Variants in SULF2 observed in about 807,000 individuals in gnomAD.
SULF2 encodes extracellular sulfatase Sulf-2.
In SULF2, 52 loss-of-function variants were observed where a neutral mutation model predicts 107.7. That is an observed-to-expected ratio of 0.48 (90% CI 0.39 to 0.61). SULF2 has a LOEUF of 0.61. SULF2 is among the 20% of genes least tolerant of loss of function. The pLI, the probability that SULF2 is intolerant of heterozygous loss-of-function variation, is 0.00. For missense variants in SULF2, 993 were observed against 1,177.3 expected (o/e 0.84, Z 2.29); for synonymous variants, 460 against 464.3 (o/e 0.99, Z 0.12).
chr20:47,737,094 G>A (rs2089753264), intron 2 of SULF2, 152 bp from the exon 3 acceptor site: 1 of 1,173,956 alleles, frequency 8.5e-7, no homozygotes, highest in Non-Finnish European at 1.2e-6. Flanking sequence ...GCTGCACGGT[G>A]GGACTGTCCT....
chr20:47,715,004 A>G (rs988305856), intron 3 of SULF2, among the ~76,000 whole-genome samples: 11 of 150,750 alleles, frequency 7.3e-5, no homozygotes, highest in African/African-American at 2.7e-4. Flanking sequence ...TGTACCCTCA[A>G]CCTCCCCAGG....
chr20:47,767,650 C>T (rs559275287), intron 1 of SULF2, among the ~76,000 whole-genome samples: 1 of 152,336 alleles, frequency 6.6e-6, no homozygotes, highest in East Asian at 1.9e-4. Context: ...TGGCACATGC[C>T]TGTAGTCCTA....
rs1479170339 is a variant in SULF2 at position 47,694,896 on chromosome 20, T to C, written c.568-4601A>G. Among the ~76,000 whole-genome samples, 2 of 152,214 alleles carry C rather than the reference T, an allele frequency of 1.3e-5. No individual in the cohort carries two copies. Among genetic ancestry groups the C allele is most frequent in the Non-Finnish European group, 2.9e-5 (2 of 68,040 alleles). On this transcript the variant is annotated intron_variant, in intron 4 of 20. Transcript: ENST00000688720. This position sits in a 1 kb window ranked among gnomAD's most constrained non-coding sequence, Gnocchi z 4.4. ...TGATCGTCACAGCAACTTTGACAAGTGGACATTATACCCATTTTACAGATA... is the reference window on the plus strand; with the variant it reads ...TGATCGTCACAGCAACTTTGACAAGCGGACATTATACCCATTTTACAGATA...
chr20:47,725,498 C>A (rs2089415588), intron 3 of SULF2, among the ~76,000 whole-genome samples: 1 of 152,162 alleles, frequency 6.6e-6, no homozygotes, highest in Non-Finnish European at 1.5e-5. Flanking sequence ...CCAGCAAAGT[C>A]AAATCCTTCA....
intron 11 of SULF2, among the ~76,000 whole-genome samples, 197 bp downstream of exon 11, chr20:47,672,001 C>T (rs11086220): frequency 0.69 from 105,440 of 152,116 alleles, 36,869 homozygotes; most frequent in Admixed American, 0.77. Context: ...TGAGCCATTG[C>T]GCCTGGCCTT....
intron 3 of SULF2, among the ~76,000 whole-genome samples, chr20:47,714,230 C>T (rs551570041): frequency 1.4e-4 from 21 of 152,308 alleles, no homozygotes; most frequent in South Asian, 8.3e-4. Context: ...CTCTCACACA[C>T]GTTTGGCCGT....
rs759671939 is a variant in SULF2 at position 47,684,553 on chromosome 20, G to T, written c.766C>A (p.Pro256Thr). 1.2e-6 allele frequency: 2 copies of T among 1,614,068 alleles called. No individual in the cohort carries two copies. ...ITPSYNYAPNPDKHWIMRYTG... is the reference protein window; with the variant it reads ...ITPSYNYAPNTDKHWIMRYTG... ...TAGCGCATGATCCAGTGTTTGTCCGGGTTGGGCGCGTAGTTGTAGCTCGGC... is the reference window on the plus strand; with the variant it reads ...TAGCGCATGATCCAGTGTTTGTCCGTGTTGGGCGCGTAGTTGTAGCTCGGC... Residue 256 changes from proline (P) to threonine (T), a missense_variant, in exon 6 of 21, where the codon CCG becomes ACG. By Grantham distance (38) the Pro-to-Thr change is conservative (BLOSUM62 -1). This residue lies in a region of SULF2 where 388 missense variants were observed against 449.2 expected (regional missense o/e 0.86). Transcript: ENST00000688720.
Position 47,707,607 on chromosome 20 carries a change from G to C in SULF2, c.416-4937C>G, listed in dbSNP as rs372164441. 5.6e-4 allele frequency among the ~76,000 whole-genome samples: 85 copies of C among 152,272 alleles called. 1 individual carries two copies. Among genetic ancestry groups the C allele is most frequent in the African/African-American group, 1.9e-3 (81 of 41,550 alleles). ...GCCAGCTGACTTCCCGGTAGATGAA[G>C]TACTCGAGTGAGATATGCGGACCCC... On this transcript the variant is annotated intron_variant, in intron 3 of 20. Transcript: ENST00000688720.
intron 4 of SULF2, among the ~76,000 whole-genome samples, chr20:47,697,438 C>T (rs545016114): frequency 1.6e-4 from 24 of 152,322 alleles, no homozygotes; most frequent in Admixed American, 5.2e-4. Flanking sequence ...TGACATTCTG[C>T]CTTGCCAGAG....
intron 2 of SULF2, among the ~76,000 whole-genome samples, chr20:47,745,452 TATATAC>T (rs1346402460): frequency 0.15 from 2,899 of 18,746 alleles, 301 homozygotes; most frequent in Non-Finnish European, 0.17. Context: ...TATATATATA[TATATAC>T]ACATACACAC....
rs538791033 is a variant in SULF2, at chr20:47,663,999, G to C, written c.2057+131C>G. 8 of 976,588 alleles carry C rather than the reference G, an allele frequency of 8.2e-6. 1 individual carries two copies. In the South Asian group the frequency reaches 1.3e-4, roughly 15 times the overall value. The allele number at this position is 976,588 out of a possible 1,614,324, so 60.5% of individuals were successfully genotyped here. A position where few individuals can be genotyped will look rare whatever the true frequency, so the allele number is the denominator to read the frequency against. ...GTTGATTGGGAAGTAAGGCCTCTTC[G>C]AGGGCTACCGTGGACTTCCCAGGGA... On this transcript the variant is annotated intron_variant, in intron 15 of 20. Coordinates refer to ENST00000688720, the MANE Select transcript of SULF2 (RefSeq NM_001387048.1).
intron 2 of SULF2, 75 bp from the exon 3 acceptor site, chr20:47,737,017 G>A (rs1394613763): frequency 1.4e-5 from 23 of 1,595,152 alleles, no homozygotes; most frequent in South Asian, 2.3e-5. Context: ...CTCTCAGCAC[G>A]TGGCATCCCT....
At chr20:47,780,624 G>A (rs776279665) in intron 1 of SULF2, among the ~76,000 whole-genome samples, 2 of 152,140 alleles carry the variant, frequency 1.3e-5, no homozygotes, top group South Asian at 2.1e-4. Flanking sequence ...TGCGATCTCA[G>A]CTCACTGCAA....
rs142577443 is a variant in SULF2, at chr20:47,741,135, T to C, written c.176-4193A>G. ...CTCCAGTCACTTATTCCCCACGGTG[T>C]AGCCAGAGTCTCCTCTCCTGACACT... On this transcript the variant is annotated intron_variant, in intron 2 of 20. Transcript: ENST00000688720. 4.6e-5 allele frequency among the ~76,000 whole-genome samples: 7 copies of C among 152,216 alleles called. No homozygotes were observed. The East Asian group carries it at 1.4e-3, about 29-fold the overall frequency.
At chr20:47,756,647 C>CTTT (rs11372876) in intron 2 of SULF2, among the ~76,000 whole-genome samples, 3,283 of 135,974 alleles carry the variant, frequency 0.024, 169 homozygotes, top group African/African-American at 0.078. Flanking sequence ...CATGTCTCAT[C>CTTT]TTTTTTTTTT....
At position 47,757,080 on chromosome 20, in the gene SULF2, A is replaced by G. The variant is rs866581242; in HGVS notation, c.175+109T>C. 12 of 1,064,334 alleles carry G rather than the reference A, an allele frequency of 1.1e-5. No individual in the cohort carries two copies. In the South Asian group the frequency reaches 2.1e-4, roughly 18 times the overall value. The allele number at this position is 1,064,334 out of a possible 1,614,324, so 65.9% of individuals were successfully genotyped here. A position where few individuals can be genotyped will look rare whatever the true frequency, so the allele number is the denominator to read the frequency against. ...CCGTGTCTTGGTTTCAATGTACTCA[A>G]AAGTGAGCACGACGCATCAACACCA... On this transcript the variant is annotated intron_variant, in intron 2 of 20. Coordinates refer to ENST00000688720, the MANE Select transcript of SULF2 (RefSeq NM_001387048.1).
At chr20:47,727,463 G>A (rs534072430) in intron 3 of SULF2, among the ~76,000 whole-genome samples, 1 of 152,284 alleles carries the variant, frequency 6.6e-6, no homozygotes, top group South Asian at 2.1e-4. Flanking sequence ...TGATTTTGGG[G>A]TTCTGGCTCC....
Position 47,667,965 on chromosome 20 carries a change from C to T in SULF2, c.1577-1477G>A, listed in dbSNP as rs76950148. On this transcript the variant is annotated intron_variant, in intron 11 of 20. Transcript: ENST00000688720. The stretch of plus-strand genomic sequence containing the variant: ...CAAGGGCCGAAGGATCCTGAGGGGC[C>T]GGGAAAGGCCTCCCCTCTCCAGCAG... Among the ~76,000 whole-genome samples the T allele has an allele frequency of 3.7e-4, 56 of 152,300 alleles. No homozygotes were observed. In the East Asian group the frequency reaches 8.7e-3, roughly 24 times the overall value.
rs999417173 is a variant in SULF2, at chr20:47,680,990, G to A, written c.1064+2004C>T. Among the ~76,000 whole-genome samples, 1 of 152,226 alleles carries A rather than the reference G, an allele frequency of 6.6e-6. No homozygotes were observed. The highest frequency in any genetic ancestry group is 1.5e-5 in the Non-Finnish European group (1 of 68,048). On this transcript the variant is annotated intron_variant, in intron 7 of 20. Transcript: ENST00000688720. The surrounding 1 kb of genome is among the most constrained non-coding windows in gnomAD (Gnocchi z 4.2). ...CTCTGGCTACAGTGAATGGTTCAGG[G>A]AAGGACACGTGACCTAAGTCAGGCC...
Sources: gnomAD v4.1 joint callset for allele counts (sites outside exome capture counted in the v4.1 genomes callset) on GRCh38, gnomAD v4.1.1 for gene constraint, gnomAD v4.1.1 regional missense constraint, Gnocchi (gnomAD v3.1) non-coding constraint, MANE v1.5 for transcripts, NCBI Gene and HGNC (gene_info 2026-07-23, HGNC 2026-07-21) for gene names.